The following C5 variants were observed in gnomAD, a reference collection of about 807,000 sequenced individuals.
C5 encodes the protein complement C5.
Under a neutral mutation model 218.8 loss-of-function variants are expected in C5, and 140 were observed. The observed-to-expected ratio is 0.64, with a 90% CI of 0.56 to 0.74. The LOEUF is 0.74. Ranked by LOEUF, C5 falls within the 30% of genes least tolerant of loss-of-function variation. The probability of loss-of-function intolerance (pLI) is 0.00; values close to 1 mark genes in which losing one functional copy is unlikely to be tolerated. For missense variants in C5, 1,700 were observed against 1,969.6 expected, an observed-to-expected ratio of 0.86 and a Z score of 2.59; for synonymous variants, 614 against 682.3, an observed-to-expected ratio of 0.90 and a Z score of 1.56.
chr9:120,989,701 A>T lies in C5; in HGVS notation c.3021T>A (p.Ser1007Arg). ...INILTHLPKGSAEAELMSVVP... is the reference protein window; with the variant it reads ...INILTHLPKGRAEAELMSVVP... ...CAACGCTCATCAGCTCCGCCTCTGC[A>T]CTCCCTTTGGGGAGGTGGGTTAGGA... Residue 1007 changes from serine to arginine, a missense_variant, in exon 24 of 41, where the codon AGT becomes AGA. Transcript: ENST00000223642. The T allele has an allele frequency of 6.2e-7, 1 of 1,614,036 alleles. No homozygotes were observed. Among genetic ancestry groups the T allele is most frequent in the Non-Finnish European group, 8.5e-7 (1 of 1,179,944 alleles).
At position 121,014,118 on chromosome 9, in the gene C5, A is replaced by T. The variant is rs375665223; in HGVS notation, c.2060-48T>A. The T allele has an allele frequency of 3.3e-6, 5 of 1,520,174 alleles. No individual in the cohort carries two copies. In the African/African-American group the frequency reaches 5.5e-5, roughly 17 times the overall value. The allele number at this position is 1,520,174 out of a possible 1,614,324, so 94.2% of individuals were successfully genotyped here. On this transcript the variant is annotated intron_variant, in intron 16 of 40. Transcript: ENST00000223642. ...GCTCTTGATGACGCAGAGTGATAAC[A>T]TCTCAGGCTTAGAAGGAATCTCAAG...
chr9:120,978,116 T>C (rs1193753670), intron 28 of C5, among the ~76,000 whole-genome samples: 2 of 152,166 alleles, frequency 1.3e-5, no homozygotes, highest in Non-Finnish European at 2.9e-5. Context: ...CAGTCTTTCA[T>C]TATTTCTTTC....
chr9:121,035,434 A>T (rs41307998), intron 4 of C5, among the ~76,000 whole-genome samples: 1,679 of 152,326 alleles, frequency 0.011, 37 homozygotes, highest in African/African-American at 0.038. Flanking sequence ...AAGCTTCCCC[A>T]TAAACTTAAT....
At chr9:121,003,108 T>C (rs577222855) in intron 20 of C5, among the ~76,000 whole-genome samples, 2 of 152,094 alleles carry the variant, frequency 1.3e-5, no homozygotes, top group Non-Finnish European at 2.9e-5. Flanking sequence ...CTGGACCACA[T>C]GGTGAAACCC....
chr9:120,979,025 T>G lies in C5; in HGVS notation c.3658+1058A>C, dbSNP rs535768631. Reference sequence around the variant, plus strand: ...GATTCACTTGATTGCTTAGGTACTTTGTCCACGGCACAACTGTTTACAGAA... The same window carrying G: ...GATTCACTTGATTGCTTAGGTACTTGGTCCACGGCACAACTGTTTACAGAA... On this transcript the variant is annotated intron_variant, in intron 28 of 40. Coordinates refer to ENST00000223642, the MANE Select transcript of C5 (RefSeq NM_001735.3). Among the ~76,000 whole-genome samples, 16 of 152,312 alleles carry G rather than the reference T, an allele frequency of 1.1e-4. No homozygotes were observed. The East Asian group carries it at 2.5e-3, about 24-fold the overall frequency.
At chr9:121,074,640 T>C in the C5 span, 4 of 369,530 alleles carry the variant, frequency 1.1e-5, no homozygotes, top group Non-Finnish European at 2.1e-5. Context: ...CTGAGAAGCG[T>C]GTCCGTGTTT....
chr9:120,991,134 A>G, intron 23 of C5, 57 bp downstream of exon 23: 1 of 1,012,254 alleles, frequency 9.9e-7, no homozygotes, highest in Non-Finnish European at 1.6e-6. Context: ...AGGATATTTG[A>G]TTTTTGTTTG....
Position 121,006,075 on chromosome 9 carries a change from A to T in C5, c.2423-17T>A. 1 of 1,613,160 alleles carries T rather than the reference A, an allele frequency of 6.2e-7. No homozygotes were observed. Among genetic ancestry groups the T allele is most frequent in the Non-Finnish European group, 8.5e-7 (1 of 1,179,256 alleles). On this transcript the variant is annotated splice_polypyrimidine_tract_variant and intron_variant, in intron 19 of 40. Transcript: ENST00000223642. ...CACATATACCTTCAGCCCAAAGTGGAAGCAAAGTAGAATCATATTAGGAAA... is the reference window on the plus strand; with the variant it reads ...CACATATACCTTCAGCCCAAAGTGGTAGCAAAGTAGAATCATATTAGGAAA...
At chr9:121,044,245 C>A (rs543468245) in intron 2 of C5, among the ~76,000 whole-genome samples, 5 of 152,084 alleles carry the variant, frequency 3.3e-5, no homozygotes, top group Non-Finnish European at 7.3e-5. Flanking sequence ...GAGGCCGAGG[C>A]GGGCGGATCA....
Position 120,953,767 on chromosome 9 carries a change from T to C in C5, c.4864A>G (p.Lys1622Glu), listed in dbSNP as rs1343050406. 1 of 1,614,134 alleles carries C rather than the reference T, an allele frequency of 6.2e-7. No individual in the cohort carries two copies. Among genetic ancestry groups the C allele is most frequent in the Admixed American group, 1.7e-5 (1 of 60,024 alleles). Residue 1622 changes from lysine to glutamate, a missense_variant, in exon 40 of 41, where the codon AAA (lysine) becomes GAA (glutamate). By Grantham distance (56) the Lys-to-Glu change is moderately conservative (BLOSUM62 1). Coordinates refer to ENST00000223642, the MANE Select transcript of C5 (RefSeq NM_001735.3). ...VKGRQYLIMG[K>E]EALQIKYNFS... The stretch of plus-strand genomic sequence containing the variant: ...TTGTATTTTATCTGGAGGGCTTCTT[T>C]ACCCATAATTAAGTACTGTCTTCCT...
chr9:121,017,276 C>A, intron 14 of C5, 86 bp downstream of exon 14: 3 of 1,497,168 alleles, frequency 2.0e-6, no homozygotes, highest in Non-Finnish European at 2.8e-6. Flanking sequence ...GAAAAGCAGG[C>A]CTAGTCTTCC....
chr9:121,000,550 G>T (rs2047153036), intron 20 of C5, among the ~76,000 whole-genome samples: 1 of 152,106 alleles, frequency 6.6e-6, no homozygotes, highest in African/African-American at 2.4e-5. Context: ...GGAAAAGCAT[G>T]AATTCCTTAA....
chr9:121,005,823 A>T, intron 20 of C5, 96 bp downstream of exon 20: 2 of 1,261,396 alleles, frequency 1.6e-6, no homozygotes, highest in Non-Finnish European at 2.3e-6. Flanking sequence ...AACTGAGTTG[A>T]ACTTCTACTT....
intron 2 of C5, among the ~76,000 whole-genome samples, 198 bp from the exon 3 acceptor site, chr9:121,043,364 T>G (rs1408359176): frequency 1.3e-5 from 2 of 152,358 alleles, no homozygotes; most frequent in East Asian, 3.8e-4. Context: ...AAAATTTAGC[T>G]TTAAGCAATT....
At chr9:121,046,448 T>C (rs1398532124) in intron 1 of C5, 65 bp from the exon 2 acceptor site, 1 of 1,173,916 alleles carries the variant, frequency 8.5e-7, no homozygotes. Context: ...TACTTTTGAT[T>C]TTTTTCTCTC....
the C5 span, among the ~76,000 whole-genome samples, chr9:121,059,984 T>C: frequency 6.6e-6 from 1 of 152,230 alleles, no homozygotes; most frequent in South Asian, 2.1e-4. This position sits in a 1 kb window ranked among gnomAD's most constrained non-coding sequence, Gnocchi z 4.1. Context: ...CCATAGGAAC[T>C]GGGCAGATAA....
chr9:121,070,868 TAGA>T, the C5 span, among the ~76,000 whole-genome samples: 2 of 152,168 alleles, frequency 1.3e-5, no homozygotes, highest in Non-Finnish European at 2.9e-5. Flanking sequence ...TTCAAATAGC[TAGA>T]AGGAGGGTAT....
At chr9:120,973,925 G>C (rs1413743506) in intron 30 of C5, among the ~76,000 whole-genome samples, 1 of 151,646 alleles carries the variant, frequency 6.6e-6, no homozygotes, top group East Asian at 1.9e-4. Context: ...GTGAGCCGAG[G>C]TTGCGCCATT....
At chr9:120,988,127 A>G (rs2047048310) in intron 25 of C5, among the ~76,000 whole-genome samples, 1 of 152,144 alleles carries the variant, frequency 6.6e-6, no homozygotes, top group African/African-American at 2.4e-5. Flanking sequence ...ATGGACTCTT[A>G]ATTAATTCAG....
Sources: gnomAD v4.1 joint callset for allele counts (sites outside exome capture counted in the v4.1 genomes callset) on GRCh38, gnomAD v4.1.1 for gene constraint, Gnocchi (gnomAD v3.1) non-coding constraint, MANE v1.5 for transcripts, NCBI Gene and HGNC (gene_info 2026-07-23, HGNC 2026-07-21) for gene names.